The following CIT variants were observed in gnomAD, a reference collection of about 807,000 sequenced individuals.
CIT encodes citron rho-interacting serine/threonine kinase.
CIT carries 79 observed loss-of-function variants against 272.7 expected under a neutral mutation model. That is an observed-to-expected ratio of 0.29 (90% CI 0.24 to 0.35). The LOEUF (loss-of-function observed/expected upper bound fraction) is 0.35, where lower values mean the gene tolerates loss of function less well. CIT is among the 10% of genes least tolerant of loss of function. The probability of loss-of-function intolerance (pLI) is 1.00; values close to 1 mark genes in which losing one functional copy is unlikely to be tolerated. For missense variants in CIT, 1,909 were observed against 2,618.3 expected (o/e 0.73, Z 5.91); for synonymous variants, 948 against 995.6 (o/e 0.95, Z 0.90).
At position 119,710,639 on chromosome 12, in the gene CIT, A is replaced by G. The variant is rs1957119199; in HGVS notation, c.4855-19T>C. On this transcript the variant is annotated intron_variant, in intron 37 of 47. Coordinates refer to ENST00000392521, the MANE Select transcript of CIT (RefSeq NM_001206999.2). The surrounding 1 kb of genome is among the most constrained non-coding windows in gnomAD (Gnocchi z 5.6). ...GCAGTTTCTTTTCATAGGTGAAAGA[A>G]AAGAAAAACAGAAGACATCGTGAGG... 1 of 1,609,402 alleles carries G rather than the reference A, an allele frequency of 6.2e-7. No individual in the cohort carries two copies. Among genetic ancestry groups the G allele is most frequent in the African/African-American group, 1.3e-5 (1 of 74,972 alleles).
chr12:119,832,961 G>T, intron 6 of CIT, 97 bp from the exon 7 acceptor site: 1 of 878,686 alleles, frequency 1.1e-6, no homozygotes, highest in Non-Finnish European at 1.9e-6. Context: ...CTTTGTTTAT[G>T]TATTCTGTTA....
chr12:119,711,752 C>T (rs1428628068), intron 37 of CIT, among the ~76,000 whole-genome samples: 3 of 152,164 alleles, frequency 2.0e-5, no homozygotes, highest in African/African-American at 4.8e-5. Context: ...AACTCCTGGG[C>T]AATCCGCCGG....
chr12:119,760,721 T>G (rs1484775168), intron 20 of CIT, among the ~76,000 whole-genome samples: 2 of 151,206 alleles, frequency 1.3e-5, no homozygotes, highest in Non-Finnish European at 2.9e-5. Context: ...CAGAACAGCA[T>G]GAGTTCTTGA....
At chr12:119,714,591 T>C (rs1382219500) in intron 32 of CIT, among the ~76,000 whole-genome samples, 1 of 152,042 alleles carries the variant, frequency 6.6e-6, no homozygotes, top group Non-Finnish European at 1.5e-5. Context: ...ATGCTCAACA[T>C]TATCAGTCGT....
intron 23 of CIT, among the ~76,000 whole-genome samples, chr12:119,749,294 AC>A (rs1420865602): frequency 1.3e-5 from 2 of 152,222 alleles, no homozygotes; most frequent in African/African-American, 4.8e-5. Flanking sequence ...TGTGAAACTC[AC>A]AAATCTCCTA....
chr12:119,733,092 A>G (rs889093417), intron 26 of CIT, among the ~76,000 whole-genome samples: 41 of 152,226 alleles, frequency 2.7e-4, no homozygotes, highest in African/African-American at 8.2e-4. Flanking sequence ...AGCAACCCTT[A>G]GAACTATGGA....
chr12:119,769,024 G>A (rs938664214), intron 18 of CIT, among the ~76,000 whole-genome samples: 14 of 151,326 alleles, frequency 9.3e-5, no homozygotes, highest in African/African-American at 2.7e-4. Flanking sequence ...ACACTCGGAC[G>A]AAGAAATCCG....
chr12:119,810,698 T>C (rs1339323766), intron 9 of CIT, among the ~76,000 whole-genome samples: 1 of 102,776 alleles, frequency 9.7e-6, no homozygotes, highest in African/African-American at 4.2e-5. Context: ...TGAGATTCCA[T>C]CATCTCAGAA....
In CIT at chr12:119,694,739, G is replaced by T. The variant is rs999921208; in HGVS notation, c.5882+2920C>A. 2.6e-4 allele frequency among the ~76,000 whole-genome samples: 40 copies of T among 152,182 alleles called. No individual in the cohort carries two copies. The highest frequency in any genetic ancestry group is 9.4e-4 in the African/African-American group (39 of 41,508). ...GGGGGCTCTCTTGAGCCCAGGAGGCGGAGGTTGCAGTGAGCCGAGATCACG... is the reference window on the plus strand; with the variant it reads ...GGGGGCTCTCTTGAGCCCAGGAGGCTGAGGTTGCAGTGAGCCGAGATCACG... On this transcript the variant is annotated intron_variant, in intron 46 of 47. Coordinates refer to ENST00000392521, the MANE Select transcript of CIT (RefSeq NM_001206999.2). This position sits in a 1 kb window ranked among gnomAD's most constrained non-coding sequence, Gnocchi z 4.5.
At chr12:119,761,138 A>C in intron 19 of CIT, 83 bp from the exon 20 acceptor site, 1 of 1,056,758 alleles carries the variant, frequency 9.5e-7, no homozygotes, top group Non-Finnish European at 1.5e-6. Context: ...GAGAAAATCT[A>C]GGAAAGAGGA....
intron 22 of CIT, among the ~76,000 whole-genome samples, chr12:119,752,759 G>C (rs1181132556): frequency 6.6e-6 from 1 of 152,098 alleles, no homozygotes; most frequent in African/African-American, 2.4e-5. Flanking sequence ...CCCTCCATCT[G>C]CTCATCCATC....
At position 119,822,900 on chromosome 12, in the gene CIT, C is replaced by G. The variant is rs149806257; in HGVS notation, c.1031G>C (p.Gly344Ala). ...FLDLIQSLLC[G>A]QKERLKFEGL... The stretch of plus-strand genomic sequence containing the variant: ...TTCAAACTTCAGTCTCTCTTTCTGG[C>G]CGCACAACAAGCTTTGAATCAGATC... Residue 344 changes from glycine (G) to alanine (A), a missense_variant, in exon 9 of 48, where the codon GGC (glycine) becomes GCC (alanine). Coordinates refer to ENST00000392521, the MANE Select transcript of CIT (RefSeq NM_001206999.2). 28 of 1,613,978 alleles carry G rather than the reference C, an allele frequency of 1.7e-5. No individual in the cohort carries two copies. The highest frequency in any genetic ancestry group is 2.1e-5 in the Non-Finnish European group (25 of 1,180,020).
intron 4 of CIT, 24 bp from the exon 5 acceptor site, chr12:119,850,299 G>A (rs1181463451): frequency 2.1e-5 from 31 of 1,463,208 alleles, no homozygotes; most frequent in Non-Finnish European, 2.8e-5. Flanking sequence ...AAACTGCTTA[G>A]ACAATTATAA....
intron 19 of CIT, among the ~76,000 whole-genome samples, chr12:119,762,972 G>T (rs1347205413): frequency 1.3e-5 from 2 of 152,186 alleles, no homozygotes; most frequent in African/African-American, 4.8e-5. Flanking sequence ...CTTGAGCCCA[G>T]GAGTTCGAAG....
chr12:119,744,814 T>C (rs1239826076), intron 23 of CIT, among the ~76,000 whole-genome samples: 1 of 152,072 alleles, frequency 6.6e-6, no homozygotes, highest in Admixed American at 6.5e-5. Flanking sequence ...AATACTATTG[T>C]CAGTTTATAA....
chr12:119,849,838 A>T lies in CIT; in HGVS notation c.516+336T>A, dbSNP rs559900087. ...GTAGCTGGGACTACAGGCACCCGAC[A>T]CCATGCCCGGCTAATTTTTCTGTAT... On this transcript the variant is annotated intron_variant, in intron 5 of 47. Coordinates refer to ENST00000392521, the MANE Select transcript of CIT (RefSeq NM_001206999.2). Among the ~76,000 whole-genome samples, 767 of 152,122 alleles carry T rather than the reference A, an allele frequency of 5.0e-3. 1 individual carries two copies. Among genetic ancestry groups the T allele is most frequent in the Non-Finnish European group, 8.9e-3 (602 of 67,988 alleles).
At position 119,816,491 on chromosome 12, in the gene CIT, G is replaced by A. The variant is rs549819281; in HGVS notation, c.1111+6329C>T. ...CACAAAGATGAGCAAGAAACTCTGAGGCTAGCATCCAATTTCTTCCTCTTG... is the reference window on the plus strand; with the variant it reads ...CACAAAGATGAGCAAGAAACTCTGAAGCTAGCATCCAATTTCTTCCTCTTG... On this transcript the variant is annotated intron_variant, in intron 9 of 47. Coordinates refer to ENST00000392521, the MANE Select transcript of CIT (RefSeq NM_001206999.2). Among the ~76,000 whole-genome samples, 22 of 152,210 alleles carry A rather than the reference G, an allele frequency of 1.4e-4. No homozygotes were observed. The South Asian group carries it at 3.5e-3, about 24-fold the overall frequency.
At chr12:119,830,960 C>T (rs949737288) in intron 7 of CIT, among the ~76,000 whole-genome samples, 2 of 152,206 alleles carry the variant, frequency 1.3e-5, no homozygotes, top group Non-Finnish European at 2.9e-5. Context: ...CAACCTCCTT[C>T]GCTCCAGCGA....
Position 119,767,131 on chromosome 12 carries a change from C to T in CIT, c.2260G>A (p.Val754Met). The change falls in exon 19 of 48, where the codon GTG becomes ATG. Residue 754 changes from valine (V) to methionine (M), a missense_variant. Physicochemically the swap from Val to Met is conservative, Grantham distance 21. Transcript: ENST00000392521. ...EAQVSAQHLEVHLKQKEQHYE... is the reference protein window; with the variant it reads ...EAQVSAQHLEMHLKQKEQHYE... Reference sequence around the variant, plus strand: ...TGCTGCTCTTTCTGTTTCAGGTGCACTTCTAGGTGCTGGGCTGAGACTTGG... The same window carrying T: ...TGCTGCTCTTTCTGTTTCAGGTGCATTTCTAGGTGCTGGGCTGAGACTTGG... The T allele has an allele frequency of 1.2e-6, 2 of 1,610,932 alleles. No individual in the cohort carries two copies. The highest frequency in any genetic ancestry group is 1.7e-6 in the Non-Finnish European group (2 of 1,178,494).
Sources: gnomAD v4.1 joint callset for allele counts (sites outside exome capture counted in the v4.1 genomes callset) on GRCh38, gnomAD v4.1.1 for gene constraint, Gnocchi (gnomAD v3.1) non-coding constraint, MANE v1.5 for transcripts, NCBI Gene and HGNC (gene_info 2026-07-23, HGNC 2026-07-21) for gene names.